Variants in KALRN observed in about 807,000 individuals in gnomAD.
KALRN encodes kalirin.
A neutral mutation model predicts 353.7 loss-of-function variants in KALRN; 70 were observed. The ratio of observed to expected loss-of-function variants is 0.20; its 90% CI spans 0.16 to 0.24. The LOEUF (loss-of-function observed/expected upper bound fraction) is 0.24, where lower values mean the gene tolerates loss of function less well. Ranked by LOEUF, KALRN falls within the 10% of genes least tolerant of loss-of-function variation. KALRN has a pLI of 1.00. For missense variants in KALRN, 2,791 were observed against 3,756.7 expected (o/e 0.74, Z 6.72); for synonymous variants, 1,391 against 1,434.8 (o/e 0.97, Z 0.69).
intron 33 of KALRN, among the ~76,000 whole-genome samples, chr3:124,532,897 C>T (rs73189513): frequency 0.041 from 6,159 of 150,098 alleles, 154 homozygotes; most frequent in Admixed American, 0.066. Flanking sequence ...AATCAGTATA[C>T]TTTCCTATTA....
rs2085728351 is a variant in KALRN at position 124,667,051 on chromosome 3, C to A, written c.6571C>A (p.Pro2191Thr). 1 of 1,613,628 alleles carries A rather than the reference C, an allele frequency of 6.2e-7. No individual in the cohort carries two copies. The part of the protein sequence containing the change: ...LVLEENVDND[P>T]CKFALMNRET... ...CCTGGAGGAGAATGTGGACAATGATCCCTGCAAGTTTGCACTCATGAACAG... is the reference window on the plus strand; with the variant it reads ...CCTGGAGGAGAATGTGGACAATGATACCTGCAAGTTTGCACTCATGAACAG... Residue 2191 changes from proline to threonine, a missense_variant, in exon 47 of 60, where the codon CCC becomes ACC. Physicochemically the swap from Pro to Thr is conservative, Grantham distance 38. This residue lies in a region of KALRN where 1,065 missense variants were observed against 1,156.4 expected (regional missense o/e 0.92). Coordinates refer to ENST00000682506, the MANE Select transcript of KALRN (RefSeq NM_001388419.1).
intron 1 of KALRN, among the ~76,000 whole-genome samples, chr3:124,223,132 C>A (rs926671466): frequency 7.9e-5 from 12 of 151,294 alleles, no homozygotes; most frequent in African/African-American, 1.9e-4. Flanking sequence ...TATTTGGAAA[C>A]CCATCTTTCT....
At chr3:124,438,246 C>T (rs1056379325) in intron 17 of KALRN, among the ~76,000 whole-genome samples, 16 of 152,158 alleles carry the variant, frequency 1.1e-4, no homozygotes, top group Non-Finnish European at 1.8e-4. Context: ...TTAGCATGAC[C>T]TCTCAGCATC....
chr3:124,293,287 A>G (rs2076576225), intron 5 of KALRN, among the ~76,000 whole-genome samples: 1 of 152,258 alleles, frequency 6.6e-6, no homozygotes, highest in Non-Finnish European at 1.5e-5. Context: ...CTATAATTAG[A>G]GTATAAAATA....
chr3:124,131,851 AATT>A (rs1194694842), intron 1 of KALRN, among the ~76,000 whole-genome samples: 1 of 152,126 alleles, frequency 6.6e-6, no homozygotes, highest in Non-Finnish European at 1.5e-5. Context: ...TCCACCAAAT[AATT>A]ATGTGACACA....
chr3:124,502,423 G>A (rs1354670827), intron 33 of KALRN, among the ~76,000 whole-genome samples: 1 of 152,198 alleles, frequency 6.6e-6, no homozygotes, highest in African/African-American at 2.4e-5. Flanking sequence ...AGGCACAAGA[G>A]CTGGGACATG....
At chr3:124,630,653 CTT>C (rs911775244) in intron 34 of KALRN, among the ~76,000 whole-genome samples, 2 of 152,180 alleles carry the variant, frequency 1.3e-5, no homozygotes. Flanking sequence ...CAAGTTAACT[CTT>C]TAAGTCTGCA....
At chr3:124,347,764 T>TG (rs1322530132) in intron 10 of KALRN, among the ~76,000 whole-genome samples, 1 of 152,128 alleles carries the variant, frequency 6.6e-6, no homozygotes, top group Non-Finnish European at 1.5e-5. Context: ...GAGAAATAGG[T>TG]GGCACCTGCT....
At chr3:124,075,878 A>T (rs1235858651) in intron 1 of KALRN, among the ~76,000 whole-genome samples, 2 of 152,180 alleles carry the variant, frequency 1.3e-5, no homozygotes, top group South Asian at 4.1e-4. Flanking sequence ...GGAGCTGAGC[A>T]TGCTGTCTGA....
intron 10 of KALRN, among the ~76,000 whole-genome samples, chr3:124,354,740 A>C (rs1426124873): frequency 6.6e-6 from 1 of 152,226 alleles, no homozygotes; most frequent in African/African-American, 2.4e-5. Flanking sequence ...GGTAGTCCTG[A>C]GACCTCAGGA....
At chr3:124,340,693 A>T (rs1328898402) in intron 9 of KALRN, among the ~76,000 whole-genome samples, 1 of 151,112 alleles carries the variant, frequency 6.6e-6, no homozygotes, top group Non-Finnish European at 1.5e-5. Flanking sequence ...GGTGGCTCAC[A>T]CCTGTAATCC....
At chr3:124,677,641 A>G (rs957533604) in intron 49 of KALRN, 94 of 454,942 alleles carry the variant, frequency 2.1e-4, no homozygotes, top group Non-Finnish European at 3.1e-5. Flanking sequence ...TTATTAAGCA[A>G]ATGTCTGCCA....
intron 1 of KALRN, among the ~76,000 whole-genome samples, chr3:124,095,269 T>A (rs568499075): frequency 3.2e-4 from 49 of 152,308 alleles, no homozygotes; most frequent in African/African-American, 1.2e-3. Context: ...GAATGATTCC[T>A]GCAGTAAGAA....
intron 34 of KALRN, among the ~76,000 whole-genome samples, chr3:124,628,669 A>T (rs1023305820): frequency 2.7e-5 from 4 of 149,846 alleles, no homozygotes; most frequent in Non-Finnish European, 5.9e-5. Flanking sequence ...TCTGCCTCCT[A>T]GGCTCAAACT....
At chr3:124,044,504 C>G (rs528821515) in intron 1 of KALRN, among the ~76,000 whole-genome samples, 1 of 151,834 alleles carries the variant, frequency 6.6e-6, no homozygotes, top group Admixed American at 6.6e-5. Context: ...ATCCCAGCTA[C>G]TCAAGAGGCT....
chr3:124,545,426 T>A (rs1030457404), intron 33 of KALRN, among the ~76,000 whole-genome samples: 1 of 152,204 alleles, frequency 6.6e-6, no homozygotes, highest in South Asian at 2.1e-4. Flanking sequence ...CAAGGGTCCC[T>A]GATGTGTAGG....
At chr3:124,379,617 G>A (rs1354648643) in intron 10 of KALRN, among the ~76,000 whole-genome samples, 1 of 152,132 alleles carries the variant, frequency 6.6e-6, no homozygotes, top group African/African-American at 2.4e-5. Flanking sequence ...GACCCTTCTG[G>A]GTACTCCATC....
chr3:124,115,000 G>A lies in KALRN; in HGVS notation c.73+81187G>A, dbSNP rs115978131. ...TGTCTTCATGAGAATGACAGTGAAG[G>A]GAAGACATTACCCAGTTAGAAAGTG... is the stretch of plus-strand genomic sequence containing the variant. On this transcript the variant is annotated intron_variant, in intron 1 of 59. Transcript: ENST00000682506. 5.5e-3 allele frequency among the ~76,000 whole-genome samples: 838 copies of A among 152,316 alleles called. 4 individuals are homozygous for A. The highest frequency in any genetic ancestry group is 0.018 in the African/African-American group (762 of 41,562).
chr3:124,214,001 G>A (rs564869236), intron 1 of KALRN, among the ~76,000 whole-genome samples: 2 of 152,078 alleles, frequency 1.3e-5, no homozygotes, highest in South Asian at 4.2e-4. Flanking sequence ...ATATATGAAG[G>A]ATCAATATAC....
Sources: allele counts gnomAD v4.1 joint callset (sites outside exome capture counted in the v4.1 genomes callset), GRCh38; gene constraint gnomAD v4.1.1; regional missense constraint gnomAD v4.1.1; transcripts MANE v1.5; gene names NCBI Gene and HGNC (gene_info 2026-07-23, HGNC 2026-07-21).